Variants in NAP1L1 observed in about 807,000 individuals in gnomAD.
The protein encoded by NAP1L1 is nucleosome assembly protein 1-like 1.
A neutral mutation model predicts 58.9 loss-of-function variants in NAP1L1; 9 were observed. The ratio of observed to expected loss-of-function variants is 0.15; its 90% CI spans 0.09 to 0.27. The LOEUF is 0.27. Among genes scored for constraint, NAP1L1 ranks in the 10% least tolerant of loss-of-function variants. The pLI is 1.00. For missense variants in NAP1L1, 302 were observed against 458.8 expected, an observed-to-expected ratio of 0.66 and a Z score of 3.12; for synonymous variants, 130 against 138.3, an observed-to-expected ratio of 0.94 and a Z score of 0.42.
intron 2 of NAP1L1, among the ~76,000 whole-genome samples, chr12:76,071,186 C>T (rs1219255834): frequency 6.6e-6 from 1 of 152,104 alleles, no homozygotes; most frequent in Non-Finnish European, 1.5e-5. Flanking sequence ...GTTAGAGAAT[C>T]GTATGTGGCC....
At chr12:76,059,003 T>C (rs1241472519) in intron 6 of NAP1L1, among the ~76,000 whole-genome samples, 1 of 152,248 alleles carries the variant, frequency 6.6e-6, no homozygotes, top group Non-Finnish European at 1.5e-5. Context: ...AAACCACGTA[T>C]GTGCACTGTT....
intron 1 of NAP1L1, among the ~76,000 whole-genome samples, chr12:76,083,585 A>C (rs1055373818): frequency 6.6e-6 from 1 of 152,090 alleles, no homozygotes; most frequent in Non-Finnish European, 1.5e-5. Context: ...GATCAGGATC[A>C]ATACTCCCCA....
At chr12:76,073,528 G>A (rs748453149) in intron 2 of NAP1L1, among the ~76,000 whole-genome samples, 3 of 152,082 alleles carry the variant, frequency 2.0e-5, no homozygotes, top group African/African-American at 7.2e-5. Flanking sequence ...AAAACTTGAG[G>A]CCAGACTATG....
chr12:76,069,788 A>G (rs1337609099), intron 2 of NAP1L1, among the ~76,000 whole-genome samples: 1 of 152,174 alleles, frequency 6.6e-6, no homozygotes, highest in Non-Finnish European at 1.5e-5. Context: ...AGAGAAGGTT[A>G]AAAATTAATA....
At chr12:76,084,383 C>T (rs1190400623) in intron 1 of NAP1L1, among the ~76,000 whole-genome samples, 184 bp downstream of exon 1, 4 of 152,124 alleles carry the variant, frequency 2.6e-5, no homozygotes, top group Non-Finnish European at 5.9e-5. Flanking sequence ...CGGGGCCCCT[C>T]TCAGGCTCCG....
intron 4 of NAP1L1, among the ~76,000 whole-genome samples, chr12:76,066,607 C>T (rs867193712): frequency 6.6e-6 from 1 of 152,106 alleles, no homozygotes; most frequent in African/African-American, 2.4e-5. Context: ...AATGAGTCCA[C>T]ACCTCTTAGA....
rs145239491 is a variant in NAP1L1 at position 76,050,525 on chromosome 12, G to T, written c.1059+6C>A. ...TTATTTCTTTGCAGGATTCAAATTC[G>T]CTTACATCATCATCATCATCTTCAA... On this transcript the variant is annotated splice_donor_region_variant and intron_variant, in intron 12 of 14. Coordinates refer to ENST00000618691, the MANE Select transcript of NAP1L1 (RefSeq NM_004537.7). The T allele has an allele frequency of 1.9e-6, 3 of 1,600,148 alleles. No homozygotes were observed. Among genetic ancestry groups the T allele is most frequent in the Non-Finnish European group, 2.6e-6 (3 of 1,175,900 alleles).
intron 4 of NAP1L1, among the ~76,000 whole-genome samples, chr12:76,062,738 T>C (rs1347573102): frequency 6.6e-6 from 1 of 152,226 alleles, no homozygotes; most frequent in Admixed American, 6.5e-5. Context: ...CTCTGAGATA[T>C]GGACGACAAA....
At chr12:76,072,868 A>G (rs904718704) in intron 2 of NAP1L1, among the ~76,000 whole-genome samples, 6 of 152,198 alleles carry the variant, frequency 3.9e-5, no homozygotes, top group African/African-American at 1.4e-4. Context: ...CAGTCATGAC[A>G]TGTCTTAAAA....
rs373519196 is a variant in NAP1L1, at chr12:76,067,454, C to T, written c.123G>A (p.Gln41=). 4 of 1,605,144 alleles carry T rather than the reference C, an allele frequency of 2.5e-6. No homozygotes were observed. The highest frequency in any genetic ancestry group is 3.4e-6 in the Non-Finnish European group (4 of 1,175,268). Residue 41 remains glutamine (Q), a synonymous_variant, in exon 4 of 15, where the codon CAG becomes CAA. Transcript: ENST00000618691. ...CAAGAATCTGAGGATTTTGCATCAT[C>T]TGAACAGTTAGCTGACGTGCTTTAA... ...TKLKARQLTV[Q]MMQNPQILAA...
intron 6 of NAP1L1, chr12:76,056,682 A>G: frequency 2.2e-6 from 1 of 444,680 alleles, no homozygotes; most frequent in Non-Finnish European, 4.5e-6. Context: ...CCTACCATGA[A>G]GTTAAAAAAA....
chr12:76,049,602 A>C, intron 13 of NAP1L1, 154 bp downstream of exon 13: 3 of 1,509,712 alleles, frequency 2.0e-6, no homozygotes, highest in Admixed American at 2.0e-5. Flanking sequence ...CCTTATACAT[A>C]CATTGTTTGG....
chr12:76,049,884 G>C, intron 12 of NAP1L1, 99 bp from the exon 13 acceptor site: 4 of 1,320,570 alleles, frequency 3.0e-6, no homozygotes, highest in Non-Finnish European at 4.3e-6. Flanking sequence ...TGTCTAAAAA[G>C]AGAAAACCTA....
intron 6 of NAP1L1, chr12:76,056,727 T>C (rs776180701): frequency 2.3e-4 from 102 of 438,930 alleles, no homozygotes; most frequent in Non-Finnish European, 4.0e-4. Flanking sequence ...AACTAAAAAC[T>C]GTAAGCCAGG....
intron 2 of NAP1L1, 103 bp downstream of exon 2, chr12:76,074,100 G>C (rs1592693584): frequency 9.8e-7 from 1 of 1,023,304 alleles, no homozygotes; most frequent in Non-Finnish European, 1.5e-6. Flanking sequence ...CTAAGCATTA[G>C]TAACTACATT....
chr12:76,059,401 A>T (rs1265478969), intron 6 of NAP1L1, among the ~76,000 whole-genome samples: 1 of 152,252 alleles, frequency 6.6e-6, no homozygotes, highest in Non-Finnish European at 1.5e-5. Context: ...CCAATTAAAA[A>T]TAATGTACAA....
chr12:76,063,002 A>G (rs965870573), intron 4 of NAP1L1, among the ~76,000 whole-genome samples: 2 of 152,344 alleles, frequency 1.3e-5, no homozygotes, highest in African/African-American at 4.8e-5. Context: ...TGTAGTTTTT[A>G]AGAACTCTGA....
intron 4 of NAP1L1, among the ~76,000 whole-genome samples, chr12:76,062,467 A>T (rs1949461674): frequency 6.6e-6 from 1 of 152,218 alleles, no homozygotes; most frequent in Non-Finnish European, 1.5e-5. Flanking sequence ...TCTATGAAAG[A>T]GTGAATGAAA....
intron 6 of NAP1L1, chr12:76,057,669 T>C: frequency 6.8e-7 from 1 of 1,461,502 alleles, no homozygotes; most frequent in East Asian, 2.4e-5. Context: ...TAGAGTACTG[T>C]GAATATATGC....
Sources: gnomAD v4.1 joint callset for allele counts (sites outside exome capture counted in the v4.1 genomes callset) on GRCh38, gnomAD v4.1.1 for gene constraint, MANE v1.5 for transcripts, NCBI Gene and HGNC (gene_info 2026-07-23, HGNC 2026-07-21) for gene names.